Variants in SORCS1 observed in about 807,000 individuals in gnomAD.
The protein encoded by SORCS1 is sortilin related VPS10 domain containing receptor 1.
Under a neutral mutation model 146.1 loss-of-function variants are expected in SORCS1, and 60 were observed. The observed-to-expected ratio is 0.41, with a 90% CI of 0.33 to 0.51. The LOEUF is 0.51. Among genes scored for constraint, SORCS1 ranks in the 20% least tolerant of loss-of-function variants. The pLI is 0.21. For synonymous variants in SORCS1, 637 were observed against 584.0 expected (o/e 1.09, Z -1.31); for missense variants, 1,352 against 1,487.6 (o/e 0.91, Z 1.50).
chr10:106,966,179 G>A (rs112057340), intron 1 of SORCS1, among the ~76,000 whole-genome samples: 4 of 152,114 alleles, frequency 2.6e-5, no homozygotes. Context: ...CTCTTTTTGA[G>A]TTATCAAAGG....
chr10:106,936,299 T>A (rs1183742216), intron 2 of SORCS1, among the ~76,000 whole-genome samples: 1 of 152,142 alleles, frequency 6.6e-6, no homozygotes, highest in Non-Finnish European at 1.5e-5. Context: ...AACAAGATGG[T>A]TGCTAACTAT....
chr10:106,680,377 C>T (rs1193334197), intron 10 of SORCS1, among the ~76,000 whole-genome samples: 1 of 152,138 alleles, frequency 6.6e-6, no homozygotes, highest in Non-Finnish European at 1.5e-5. Flanking sequence ...AGTAGGTTGG[C>T]ATCTCTTAGT....
intron 1 of SORCS1, among the ~76,000 whole-genome samples, chr10:107,037,503 C>T (rs777412137): frequency 5.9e-5 from 9 of 152,190 alleles, no homozygotes; most frequent in Non-Finnish European, 1.3e-4. Context: ...CTCAAAGAAA[C>T]TTGAATAAAT....
chr10:106,963,105 C>T (rs1247113661), intron 1 of SORCS1, among the ~76,000 whole-genome samples: 1 of 80,856 alleles, frequency 1.2e-5, no homozygotes, highest in Non-Finnish European at 3.0e-5. Context: ...TGTTCAATGG[C>T]CAGAATTTTT....
At chr10:107,002,759 GA>G (rs1252914089) in intron 1 of SORCS1, among the ~76,000 whole-genome samples, 2 of 151,958 alleles carry the variant, frequency 1.3e-5, no homozygotes, top group Non-Finnish European at 2.9e-5. Flanking sequence ...CTTCATAATG[GA>G]ACAAGTCTGA....
chr10:107,009,125 A>T (rs1957581219), intron 1 of SORCS1, among the ~76,000 whole-genome samples: 1 of 152,274 alleles, frequency 6.6e-6, no homozygotes, highest in African/African-American at 2.4e-5. Context: ...ATGCAAAAAA[A>T]ATTCTGAAGG....
At chr10:106,599,428 G>A (rs1475433894) in intron 23 of SORCS1, among the ~76,000 whole-genome samples, 1 of 151,640 alleles carries the variant, frequency 6.6e-6, no homozygotes, top group African/African-American at 2.4e-5. Context: ...AAGGAGAAGT[G>A]GAGAAGTGGA....
chr10:107,129,659 A>G (rs1224297420), intron 1 of SORCS1, among the ~76,000 whole-genome samples: 1 of 152,216 alleles, frequency 6.6e-6, no homozygotes, highest in Non-Finnish European at 1.5e-5. Flanking sequence ...TTGTCATCTT[A>G]CATTCCAAAG....
chr10:106,703,379 T>C (rs1854272160), intron 8 of SORCS1, among the ~76,000 whole-genome samples: 1 of 152,156 alleles, frequency 6.6e-6, no homozygotes, highest in East Asian at 1.9e-4. Context: ...CTTGCTTTTA[T>C]AGAGTATCTG....
At chr10:106,953,075 G>A (rs1954772161) in intron 2 of SORCS1, among the ~76,000 whole-genome samples, 1 of 151,830 alleles carries the variant, frequency 6.6e-6, no homozygotes, top group Non-Finnish European at 1.5e-5. Context: ...AGTCACACCA[G>A]TATATGACAT....
At chr10:106,606,537 T>C (rs530141627) in intron 23 of SORCS1, among the ~76,000 whole-genome samples, 1 of 152,376 alleles carries the variant, frequency 6.6e-6, no homozygotes, top group Non-Finnish European at 1.5e-5. Context: ...GTTCAGCAAC[T>C]TGCTTTTTTT....
intron 1 of SORCS1, among the ~76,000 whole-genome samples, chr10:106,993,906 C>T (rs996082762): frequency 2.6e-5 from 4 of 151,802 alleles, no homozygotes; most frequent in Admixed American, 2.6e-4. Context: ...AACCCCATCT[C>T]TACCAAAAGT....
At chr10:106,584,405 A>G (rs1845100491) in intron 24 of SORCS1, among the ~76,000 whole-genome samples, 1 of 152,224 alleles carries the variant, frequency 6.6e-6, no homozygotes, top group African/African-American at 2.4e-5. Context: ...CATTAGACTG[A>G]GGCAGCTCTG....
At chr10:106,843,022 C>CATATAG (rs1949121076) in intron 2 of SORCS1, among the ~76,000 whole-genome samples, 1 of 152,098 alleles carries the variant, frequency 6.6e-6, no homozygotes, top group Non-Finnish European at 1.5e-5. Context: ...ATAATGTTTT[C>CATATAG]ATATAGGTAT....
intron 1 of SORCS1, among the ~76,000 whole-genome samples, chr10:107,112,189 T>C (rs1472158092): frequency 6.6e-6 from 1 of 152,036 alleles, no homozygotes; most frequent in Non-Finnish European, 1.5e-5. Flanking sequence ...CTATAATAAT[T>C]TGTTAATGAA....
intron 6 of SORCS1, among the ~76,000 whole-genome samples, chr10:106,722,120 T>TACACACACACACACACACAC (rs140882766): frequency 1.5e-4 from 22 of 144,266 alleles, no homozygotes; most frequent in African/African-American, 5.4e-4. Context: ...AATATATAAA[T>TACACACACACACACACACAC]ACACACACAC....
At chr10:106,869,117 T>C (rs1950318066) in intron 2 of SORCS1, among the ~76,000 whole-genome samples, 1 of 152,092 alleles carries the variant, frequency 6.6e-6, no homozygotes. Flanking sequence ...TGTGGACACA[T>C]ACACCCTCCT....
chr10:107,163,758 G>A (rs555180947), intron 1 of SORCS1, among the ~76,000 whole-genome samples: 5 of 152,262 alleles, frequency 3.3e-5, no homozygotes, highest in Admixed American at 2.0e-4. Context: ...TGTGGCATTT[G>A]GAGAGGACTC....
chr10:106,941,318 T>C (rs1374764092), intron 2 of SORCS1, among the ~76,000 whole-genome samples: 1 of 151,928 alleles, frequency 6.6e-6, no homozygotes. Context: ...GTTTAGTAGG[T>C]GATCCACACT....
Sources: gnomAD v4.1 joint callset for allele counts (sites outside exome capture counted in the v4.1 genomes callset) on GRCh38, gnomAD v4.1.1 for gene constraint, MANE v1.5 for transcripts, NCBI Gene and HGNC (gene_info 2026-07-23, HGNC 2026-07-21) for gene names.